The following CDH3 variants were observed in gnomAD, a reference collection of about 807,000 sequenced individuals.
CDH3 encodes cadherin-3.
In CDH3, 54 loss-of-function variants were observed where a neutral mutation model predicts 82.0. That is an observed-to-expected ratio of 0.66 (90% CI 0.53 to 0.83). The LOEUF is 0.83. Among genes scored for constraint, CDH3 ranks in the 40% least tolerant of loss-of-function variants. CDH3 has a pLI of 0.00. For missense variants in CDH3, 1,054 were observed against 1,084.6 expected (o/e 0.97, Z 0.40); for synonymous variants, 446 against 437.9 (o/e 1.02, Z -0.23).
chr16:68,694,685 G>A (rs1041929044), intron 13 of CDH3, among the ~76,000 whole-genome samples: 7 of 152,008 alleles, frequency 4.6e-5, no homozygotes, highest in Middle Eastern at 3.4e-3. Flanking sequence ...TGTACCCTAT[G>A]AAAGTTGCAT....
Position 68,707,948 on chromosome 16 carries a change from G to T in CDH3, c.99+12025G>T, listed in dbSNP as rs1369734237. ...TCCGGTAAACCACGGCCAGCCCACA[G>T]CTGACAGGGCAGGGCGCTGAGACCT... On this transcript the variant is annotated intron_variant, in intron 1 of 2. Transcript: ENST00000569080. This position sits in a 1 kb window ranked among gnomAD's most constrained non-coding sequence, Gnocchi z 4.5. Among the ~76,000 whole-genome samples, 1 of 152,128 alleles carries T rather than the reference G, an allele frequency of 6.6e-6. No homozygotes were observed. Among genetic ancestry groups the T allele is most frequent in the Non-Finnish European group, 1.5e-5 (1 of 68,016 alleles).
At chr16:68,653,587 A>T (rs185655555) in intron 2 of CDH3, among the ~76,000 whole-genome samples, 1 of 152,102 alleles carries the variant, frequency 6.6e-6, no homozygotes, top group East Asian at 1.9e-4. Flanking sequence ...CTTGGGGGAG[A>T]AAAGCTTCCC....
At chr16:68,689,556 AGAAAG>A (rs1380363433) in intron 12 of CDH3, among the ~76,000 whole-genome samples, 3 of 148,168 alleles carry the variant, frequency 2.0e-5, no homozygotes, top group Non-Finnish European at 4.5e-5. Flanking sequence ...AAAAAAAAAA[AGAAAG>A]AAAGAAAAAG....
chr16:68,667,453 G>T (rs911307135), intron 2 of CDH3, among the ~76,000 whole-genome samples: 2 of 152,162 alleles, frequency 1.3e-5, no homozygotes, highest in African/African-American at 4.8e-5. Flanking sequence ...ATCACTTGAT[G>T]GACATTTTGT....
At chr16:68,726,010 G>A (rs1232313678) in intron 2 of CDH3, among the ~76,000 whole-genome samples, 1 of 152,094 alleles carries the variant, frequency 6.6e-6, no homozygotes, top group African/African-American at 2.4e-5. Flanking sequence ...AGTGAGCTGA[G>A]ATTGCACTAC....
At chr16:68,650,606 T>C (rs1567435483) in intron 2 of CDH3, among the ~76,000 whole-genome samples, 1 of 152,202 alleles carries the variant, frequency 6.6e-6, no homozygotes, top group Non-Finnish European at 1.5e-5. Context: ...CGGCCATATT[T>C]TTATTTTAAT....
At chr16:68,659,764 A>G (rs1410244414) in intron 2 of CDH3, among the ~76,000 whole-genome samples, 1 of 151,878 alleles carries the variant, frequency 6.6e-6, no homozygotes, top group Admixed American at 6.6e-5. Context: ...TCTTAAGGGC[A>G]AGCACACAGT....
intron 15 of CDH3, among the ~76,000 whole-genome samples, chr16:68,697,081 T>A (rs1961749811): frequency 6.7e-6 from 1 of 150,318 alleles, no homozygotes; most frequent in South Asian, 2.1e-4. Flanking sequence ...CACCAGCACT[T>A]TGGGAGGCTG....
chr16:68,681,130 A>G (rs1303250078), intron 8 of CDH3, 34 bp downstream of exon 8: 1 of 1,612,248 alleles, frequency 6.2e-7, no homozygotes. Flanking sequence ...CCCTCATCAG[A>G]TAATGAAGGA....
chr16:68,696,138 G>C (rs749165907), intron 15 of CDH3: 10 of 619,314 alleles, frequency 1.6e-5, no homozygotes, highest in Non-Finnish European at 2.3e-5. Flanking sequence ...TGATTAGGAG[G>C]GGCTGGGCAC....
chr16:68,730,340 A>G (rs2152112267), downstream of CDH3, among the ~76,000 whole-genome samples: 1 of 151,850 alleles, frequency 6.6e-6, no homozygotes, highest in East Asian at 2.0e-4. Context: ...CTGCCTGACC[A>G]ACATGCAGAA....
chr16:68,679,694 CAAAAAAAAAAAAA>C (rs66540234), intron 6 of CDH3, 92 bp from the exon 7 acceptor site: 83 of 361,952 alleles, frequency 2.3e-4, no homozygotes, highest in Middle Eastern at 8.1e-4. Context: ...GACTTCATCT[CAAAAAAAAAAAAA>C]AAAAAAAAAA....
intron 2 of CDH3, among the ~76,000 whole-genome samples, chr16:68,725,894 A>T (rs564124278): frequency 6.6e-6 from 1 of 151,642 alleles, no homozygotes; most frequent in East Asian, 2.0e-4. Context: ...TCTCTACAAA[A>T]AAATACCTAA....
intron 2 of CDH3, among the ~76,000 whole-genome samples, chr16:68,647,421 G>A (rs1195621225): frequency 6.6e-6 from 1 of 152,144 alleles, no homozygotes; most frequent in Non-Finnish European, 1.5e-5. Flanking sequence ...TCAGGTTTTC[G>A]ATTTCATCGT....
At chr16:68,697,905 G>A (rs1336759808) in intron 15 of CDH3, among the ~76,000 whole-genome samples, 1 of 152,134 alleles carries the variant, frequency 6.6e-6, no homozygotes, top group Non-Finnish European at 1.5e-5. Context: ...GCATAGAGTG[G>A]TTAAGGGACT....
intron 2 of CDH3, among the ~76,000 whole-genome samples, chr16:68,659,443 G>A (rs1185918728): frequency 1.3e-5 from 2 of 152,000 alleles, no homozygotes; most frequent in East Asian, 1.9e-4. Flanking sequence ...GGTGGTGCAT[G>A]CCTGTAGTCC....
exon 3 of CDH3, among the ~76,000 whole-genome samples, chr16:68,727,246 C>G (rs1962229369): frequency 6.6e-6 from 1 of 152,194 alleles, no homozygotes; most frequent in African/African-American, 2.4e-5. Flanking sequence ...CCCCAGTGTT[C>G]TCAGGCCTTC....
chr16:68,651,093 G>T, intron 2 of CDH3: 1 of 416,028 alleles, frequency 2.4e-6, no homozygotes, highest in Non-Finnish European at 4.8e-6. Flanking sequence ...CTGGGCAGTC[G>T]TTGGTGCCCG....
At chr16:68,681,208 T>C (rs1345923923) in intron 8 of CDH3, 112 bp downstream of exon 8, 4 of 1,207,958 alleles carry the variant, frequency 3.3e-6, no homozygotes, top group Non-Finnish European at 3.7e-6. Context: ...CTCAGCACTA[T>C]GGCTGTGTGA....
Sources: gnomAD v4.1 joint callset for allele counts (sites outside exome capture counted in the v4.1 genomes callset) on GRCh38, gnomAD v4.1.1 for gene constraint, Gnocchi (gnomAD v3.1) non-coding constraint, MANE v1.5 for transcripts, NCBI Gene and HGNC (gene_info 2026-07-23, HGNC 2026-07-21) for gene names.